The following SND1 variants were observed in gnomAD, a reference collection of about 807,000 sequenced individuals.
The protein encoded by SND1 is staphylococcal nuclease and tudor domain containing 1.
In SND1, 38 loss-of-function variants were observed where a neutral mutation model predicts 121.7. The observed-to-expected ratio is 0.31, with a 90% confidence interval of 0.24 to 0.41. SND1 has a LOEUF of 0.41. SND1 is among the 10% of genes least tolerant of loss of function. The pLI, the probability that SND1 is intolerant of heterozygous loss-of-function variation, is 1.00. For missense variants in SND1, 868 were observed against 1,184.6 expected (o/e 0.73, Z 3.92); for synonymous variants, 401 against 447.4 (o/e 0.90, Z 1.31).
intron 15 of SND1, among the ~76,000 whole-genome samples, chr7:127,976,952 G>C (rs930600504): frequency 2.0e-5 from 3 of 152,136 alleles, no homozygotes; most frequent in African/African-American, 7.2e-5. Context: ...ATTTCCTTCA[G>C]TCTGGGGATT....
At chr7:127,768,065 T>A (rs1383439935) in intron 10 of SND1, among the ~76,000 whole-genome samples, 1 of 152,164 alleles carries the variant, frequency 6.6e-6, no homozygotes, top group African/African-American at 2.4e-5. Context: ...GGCTTGATAA[T>A]TGAATATGCC....
At position 127,929,334 on chromosome 7, in the gene SND1, G is replaced by A; in HGVS notation, c.1669+5G>A. ...TTATCACCTTCTTGCTTGCAGGTAAGTCTTATGTGTTACATGTTACTCTGA... is the reference window on the plus strand; with the variant it reads ...TTATCACCTTCTTGCTTGCAGGTAAATCTTATGTGTTACATGTTACTCTGA... On this transcript the variant is annotated splice_donor_5th_base_variant and intron_variant, in intron 15 of 23. Coordinates refer to ENST00000354725, the MANE Select transcript of SND1 (RefSeq NM_014390.4). 1.2e-6 allele frequency: 2 copies of A among 1,613,892 alleles called. No individual in the cohort carries two copies. Among genetic ancestry groups the A allele is most frequent in the South Asian group, 1.1e-5 (1 of 91,068 alleles).
intron 10 of SND1, among the ~76,000 whole-genome samples, chr7:127,751,485 A>G (rs1797095550): frequency 6.6e-6 from 1 of 152,158 alleles, no homozygotes; most frequent in African/African-American, 2.4e-5. Context: ...TTTATACTAC[A>G]TAGATGAATT....
intron 9 of SND1, among the ~76,000 whole-genome samples, chr7:127,713,257 C>G (rs1226053450): frequency 3.9e-5 from 6 of 152,180 alleles, no homozygotes; most frequent in Non-Finnish European, 8.8e-5. Flanking sequence ...GCTGGATGGC[C>G]CTTGGGCCAT....
At chr7:127,783,708 G>GA (rs1017427722) in intron 10 of SND1, among the ~76,000 whole-genome samples, 6 of 151,486 alleles carry the variant, frequency 4.0e-5, no homozygotes, top group East Asian at 1.9e-4. Flanking sequence ...AATTTTATGA[G>GA]AAAAAAAAAT....
At chr7:127,752,668 A>C (rs1165994414) in intron 10 of SND1, among the ~76,000 whole-genome samples, 1 of 152,156 alleles carries the variant, frequency 6.6e-6, no homozygotes, top group African/African-American at 2.4e-5. Flanking sequence ...CAACTATTCA[A>C]CTCTGCCATT....
At chr7:127,908,735 A>G (rs1196747893) in intron 14 of SND1, among the ~76,000 whole-genome samples, 1 of 152,170 alleles carries the variant, frequency 6.6e-6, no homozygotes, top group Non-Finnish European at 1.5e-5. Flanking sequence ...CTCCCTCACC[A>G]GCATAGAAAA....
chr7:127,851,029 G>T (rs1340057413), intron 12 of SND1, among the ~76,000 whole-genome samples: 1 of 152,116 alleles, frequency 6.6e-6, no homozygotes, highest in East Asian at 1.9e-4. Flanking sequence ...TTCGTGGCTG[G>T]CTATCTATGG....
intron 11 of SND1, among the ~76,000 whole-genome samples, chr7:127,829,006 A>G (rs915489446): frequency 6.6e-6 from 1 of 152,224 alleles, no homozygotes; most frequent in African/African-American, 2.4e-5. Context: ...GAAGAGCATC[A>G]CACAGGAAAG....
chr7:127,960,844 T>G (rs1399776694), intron 15 of SND1, among the ~76,000 whole-genome samples: 2 of 152,214 alleles, frequency 1.3e-5, no homozygotes, highest in Non-Finnish European at 1.5e-5. Flanking sequence ...AAATGAAAAC[T>G]CAACTTCTGT....
At chr7:127,702,106 A>G (rs1486511766) in intron 5 of SND1, among the ~76,000 whole-genome samples, 2 of 152,172 alleles carry the variant, frequency 1.3e-5, no homozygotes, top group Non-Finnish European at 2.9e-5. Context: ...ATTTTTACCA[A>G]TCTTAAGTTA....
chr7:127,749,165 C>T (rs531457876), intron 10 of SND1, among the ~76,000 whole-genome samples: 80 of 150,576 alleles, frequency 5.3e-4, no homozygotes, highest in African/African-American at 1.9e-3. Context: ...TCCCAACTAG[C>T]TGGGATTATA....
chr7:127,987,224 C>G (rs1024235193), intron 15 of SND1, among the ~76,000 whole-genome samples: 2 of 152,212 alleles, frequency 1.3e-5, no homozygotes, highest in Non-Finnish European at 2.9e-5. Flanking sequence ...GTCAGCCTGC[C>G]CAGCTGAGCA....
intron 1 of SND1, among the ~76,000 whole-genome samples, chr7:127,663,038 A>G (rs919611832): frequency 1.3e-5 from 2 of 151,828 alleles, no homozygotes; most frequent in African/African-American, 2.4e-5. Flanking sequence ...CTACAGGTAC[A>G]TGCCACCACA....
chr7:127,755,838 T>G (rs1797186303), intron 10 of SND1, among the ~76,000 whole-genome samples: 2 of 152,230 alleles, frequency 1.3e-5, no homozygotes, highest in Non-Finnish European at 2.9e-5. Flanking sequence ...TTTTATTAAT[T>G]TAAGCCTGCT....
At chr7:127,703,133 T>G (rs1246113312) in intron 6 of SND1, 32 bp from the exon 7 acceptor site, 2 of 1,613,566 alleles carry the variant, frequency 1.2e-6, no homozygotes, top group Non-Finnish European at 1.7e-6. Flanking sequence ...ACATTTAGGC[T>G]GCATTACTCA....
intron 16 of SND1, chr7:128,030,781 G>A: frequency 9.0e-7 from 1 of 1,113,786 alleles, no homozygotes; most frequent in South Asian, 1.8e-5. Context: ...GAGAGACGGA[G>A]CGGATCGGCC....
intron 15 of SND1, among the ~76,000 whole-genome samples, chr7:127,967,674 A>G (rs977056229): frequency 2.0e-5 from 3 of 152,120 alleles, no homozygotes; most frequent in African/African-American, 7.2e-5. Context: ...TGTTGTATAT[A>G]TTTATCCATA....
intron 16 of SND1, among the ~76,000 whole-genome samples, chr7:128,056,342 C>G (rs539077993): frequency 3.3e-5 from 5 of 152,332 alleles, no homozygotes; most frequent in African/African-American, 9.6e-5. Context: ...AATGAGCCAG[C>G]CTTTGCCCCA....
Sources: gnomAD v4.1 joint callset for allele counts (sites outside exome capture counted in the v4.1 genomes callset) on GRCh38, gnomAD v4.1.1 for gene constraint, MANE v1.5 for transcripts, NCBI Gene and HGNC (gene_info 2026-07-23, HGNC 2026-07-21) for gene names.